The following ANKRD45 variants were observed in gnomAD, a reference collection of about 807,000 sequenced individuals.
The protein encoded by ANKRD45 is ankyrin repeat domain 45.
Under a neutral mutation model 28.1 loss-of-function variants are expected in ANKRD45, and 21 were observed. That is an observed-to-expected ratio of 0.75 (90% CI 0.53 to 1.08). The LOEUF (loss-of-function observed/expected upper bound fraction) is 1.08, where lower values mean the gene tolerates loss of function less well. Ranked by LOEUF, ANKRD45 falls within the 50% of genes least tolerant of loss-of-function variation. ANKRD45 has a pLI of 0.00. For missense variants in ANKRD45, 261 were observed against 308.7 expected (o/e 0.85, Z 1.16); for synonymous variants, 86 against 103.9 (o/e 0.83, Z 1.05).
Position 173,638,686 on chromosome 1 carries a change from C to T in ANKRD45, c.496+8160G>A, listed in dbSNP as rs1255812943. Among the ~76,000 whole-genome samples, 3 of 152,176 alleles carry T rather than the reference C, an allele frequency of 2.0e-5. 1 individual carries two copies. The highest frequency in any genetic ancestry group is 4.1e-4 in the South Asian group (2 of 4,830). On this transcript the variant is annotated intron_variant, in intron 3 of 5. Transcript: ENST00000333279. ...TTTGGGGGGAGATTAACTGTAAGCACGCCCCACCAAGTTAGAGCTATTTTA... is the reference window on the plus strand; with the variant it reads ...TTTGGGGGGAGATTAACTGTAAGCATGCCCCACCAAGTTAGAGCTATTTTA...
chr1:173,635,313 A>C, intron 3 of ANKRD45: 1 of 510,826 alleles, frequency 2.0e-6, no homozygotes, highest in South Asian at 2.7e-5. Context: ...TGTTACAATG[A>C]TCATCACTGT....
chr1:173,615,383 CAAAA>C (rs60479508), intron 5 of ANKRD45, among the ~76,000 whole-genome samples: 2 of 87,654 alleles, frequency 2.3e-5, no homozygotes, highest in Non-Finnish European at 4.7e-5. Flanking sequence ...GACTCCGTCT[CAAAA>C]AAAAAAAAAA....
Position 173,655,209 on chromosome 1 carries a change from G to A in ANKRD45, c.328+3882C>T, listed in dbSNP as rs886801877. 3.5e-5 allele frequency among the ~76,000 whole-genome samples: 4 copies of A among 115,076 alleles called. No individual in the cohort carries two copies. In the African/African-American group the frequency reaches 4.1e-4, roughly 12 times the overall value. 75.5% of individuals were successfully genotyped at this position (115,076 alleles called of 152,430 possible). Reference sequence around the variant, plus strand: ...TTTAGAATTTTCAGCTTTTCTGCTCGGTTTCTCCCCATATTTGTGGTTTTA... The same window carrying A: ...TTTAGAATTTTCAGCTTTTCTGCTCAGTTTCTCCCCATATTTGTGGTTTTA... On this transcript the variant is annotated intron_variant, in intron 2 of 5. Coordinates refer to ENST00000333279, the MANE Select transcript of ANKRD45 (RefSeq NM_198493.3).
At chr1:173,693,716 G>A in the ANKRD45 span, among the ~76,000 whole-genome samples, 1 of 152,214 alleles carries the variant, frequency 6.6e-6, no homozygotes, top group Non-Finnish European at 1.5e-5. Flanking sequence ...GATATAAAGA[G>A]ATGTCACAGA....
rs1300262608 is a variant in ANKRD45 at position 173,627,355 on chromosome 1, A to G, written c.497-196T>C. Among the ~76,000 whole-genome samples the G allele has an allele frequency of 5.3e-5, 8 of 152,214 alleles. No individual in the cohort carries two copies. In the East Asian group the frequency reaches 1.5e-3, roughly 29 times the overall value. ...AGTAGCTCCTTTTAACATCATATTAAGGAAAGAGGCACTGAAGAGGGTAGG... is the reference window on the plus strand; with the variant it reads ...AGTAGCTCCTTTTAACATCATATTAGGGAAAGAGGCACTGAAGAGGGTAGG... On this transcript the variant is annotated intron_variant, in intron 3 of 5. Transcript: ENST00000333279.
chr1:173,695,679 T>TC, the ANKRD45 span, among the ~76,000 whole-genome samples: 1 of 152,202 alleles, frequency 6.6e-6, no homozygotes, highest in Admixed American at 6.5e-5. Flanking sequence ...TGTGTGTGTC[T>TC]TTTTGGCAGA....
chr1:173,702,717 CTT>C, the ANKRD45 span, among the ~76,000 whole-genome samples: 6,972 of 118,854 alleles, frequency 0.059, 160 homozygotes, highest in African/African-American at 0.097. Flanking sequence ...TCTGTGTCCT[CTT>C]TTTTTTTTTT....
intron 3 of ANKRD45, 27 bp from the exon 4 acceptor site, chr1:173,627,186 A>G (rs924132413): frequency 1.4e-6 from 2 of 1,470,060 alleles, no homozygotes; most frequent in Non-Finnish European, 9.5e-7. Context: ...AAACACACAC[A>G]TGACAAGACA....
chr1:173,611,391 G>T (rs1439685142), intron 5 of ANKRD45, among the ~76,000 whole-genome samples: 1 of 152,102 alleles, frequency 6.6e-6, no homozygotes, highest in East Asian at 1.9e-4. Context: ...GTGCTCAACA[G>T]ATCATATGAT....
chr1:173,712,748 T>TA, the ANKRD45 span, among the ~76,000 whole-genome samples: 1 of 152,192 alleles, frequency 6.6e-6, no homozygotes, highest in Non-Finnish European at 1.5e-5. Context: ...AAAAATGTTT[T>TA]AAAAAATCTA....
the ANKRD45 span, among the ~76,000 whole-genome samples, chr1:173,688,561 CCTCT>C: frequency 0.026 from 2,946 of 111,280 alleles, 90 homozygotes; most frequent in East Asian, 0.11. Context: ...TCTGCCTCTT[CCTCT>C]CTCTCTCTCT....
At chr1:173,664,710 C>T (rs1012860558) in intron 1 of ANKRD45, among the ~76,000 whole-genome samples, 7 of 152,244 alleles carry the variant, frequency 4.6e-5, no homozygotes, top group African/African-American at 1.4e-4. Flanking sequence ...GTTTCAAGTA[C>T]GTAATCTATC....
the ANKRD45 span, among the ~76,000 whole-genome samples, chr1:173,701,618 A>G: frequency 6.6e-6 from 1 of 152,216 alleles, no homozygotes; most frequent in Non-Finnish European, 1.5e-5. Flanking sequence ...GAATTGAACA[A>G]TAAGAACACC....
intron 2 of ANKRD45, among the ~76,000 whole-genome samples, chr1:173,650,603 T>C (rs944446648): frequency 1.3e-5 from 2 of 152,236 alleles, no homozygotes; most frequent in African/African-American, 4.8e-5. Flanking sequence ...TTATAAACCC[T>C]TGGGTATATA....
At position 173,608,912 on chromosome 1, in the gene ANKRD45, A is replaced by G. The variant is rs1396543439; in HGVS notation, c.*1233T>C. 2.2e-4 allele frequency among the ~76,000 whole-genome samples: 11 copies of G among 49,444 alleles called. No homozygotes were observed. The East Asian group carries it at 2.4e-3, about 11-fold the overall frequency. 32.4% of individuals were successfully genotyped at this position (49,444 alleles called of 152,430 possible). A position where few individuals can be genotyped will look rare whatever the true frequency, so the allele number is the denominator to read the frequency against. ...GGGGAGGGGAGAGGAAGGGAGAGGA[A>G]GGGAGGGGAAGGGAGGGGAAGGGAG... On this transcript the variant is annotated 3_prime_UTR_variant, in exon 6 of 6. Coordinates refer to ENST00000333279, the MANE Select transcript of ANKRD45 (RefSeq NM_198493.3).
At chr1:173,617,654 G>A (rs1571687650) in intron 5 of ANKRD45, among the ~76,000 whole-genome samples, 1 of 152,244 alleles carries the variant, frequency 6.6e-6, no homozygotes, top group Non-Finnish European at 1.5e-5. Context: ...CCACTGTGGG[G>A]AGGGATGACC....
the ANKRD45 span, among the ~76,000 whole-genome samples, chr1:173,698,858 TC>T: frequency 6.9e-6 from 1 of 145,932 alleles, no homozygotes; most frequent in South Asian, 2.1e-4. Flanking sequence ...AAAAAACCCT[TC>T]AAAAAAATCA....
intron 2 of ANKRD45, among the ~76,000 whole-genome samples, chr1:173,651,702 C>T (rs375828279): frequency 1.1e-4 from 17 of 152,104 alleles, no homozygotes; most frequent in Admixed American, 7.2e-4. Context: ...GCCATTTTCA[C>T]GATATTGATT....
chr1:173,620,816 T>C (rs896318264), intron 5 of ANKRD45, among the ~76,000 whole-genome samples: 6 of 149,560 alleles, frequency 4.0e-5, no homozygotes, highest in Admixed American at 6.6e-5. Flanking sequence ...CGGAGCAGAA[T>C]TGAAGGAGAC....
Sources: gnomAD v4.1 joint callset for allele counts (sites outside exome capture counted in the v4.1 genomes callset) on GRCh38, gnomAD v4.1.1 for gene constraint, MANE v1.5 for transcripts, NCBI Gene and HGNC (gene_info 2026-07-23, HGNC 2026-07-21) for gene names.